The following ANXA5 variants were observed in gnomAD, a reference collection of about 807,000 sequenced individuals.
ANXA5 encodes annexin A5, also known as CBP-I.
ANXA5 carries 40 observed loss-of-function variants against 48.1 expected under a neutral mutation model. That is an observed-to-expected ratio of 0.83 (90% CI 0.65 to 1.08). The LOEUF (loss-of-function observed/expected upper bound fraction) is 1.08, where lower values mean the gene tolerates loss of function less well. Ranked by LOEUF, ANXA5 falls within the 50% of genes least tolerant of loss-of-function variation. The pLI, the probability that ANXA5 is intolerant of heterozygous loss-of-function variation, is 0.00. For synonymous variants in ANXA5, 113 were observed against 129.1 expected (o/e 0.88, Z 0.85); for missense variants, 357 against 376.8 (o/e 0.95, Z 0.44).
At chr4:121,685,073 C>T (rs758817412) in intron 3 of ANXA5, among the ~76,000 whole-genome samples, 45 of 122,892 alleles carry the variant, frequency 3.7e-4, no homozygotes, top group Non-Finnish European at 4.7e-4. Flanking sequence ...TATATATATA[C>T]ACACACACAC....
chr4:121,695,899 C>A (rs1285162242), intron 2 of ANXA5, among the ~76,000 whole-genome samples: 7 of 147,288 alleles, frequency 4.8e-5, no homozygotes, highest in Non-Finnish European at 1.0e-4. Flanking sequence ...GAGACTCCGT[C>A]TCAAAAAAAA....
At position 121,686,370 on chromosome 4, in the gene ANXA5, A is replaced by C; in HGVS notation, c.12T>G (p.Val4=). The C allele has an allele frequency of 1.2e-6, 2 of 1,613,134 alleles. No individual in the cohort carries two copies. Among genetic ancestry groups the C allele is most frequent in the Non-Finnish European group, 1.7e-6 (2 of 1,179,102 alleles). Residue 4 remains valine, a splice_region_variant and synonymous_variant, in exon 3 of 13, where the codon GTT becomes GTG. Coordinates refer to ENST00000296511, the MANE Select transcript of ANXA5 (RefSeq NM_001154.4). Reference sequence around the variant, plus strand: ...GGAAGTCAGTCACAGTGCCTCTGAGAACCTAATTCACGAAACACAGTGGTA... The same window carrying C: ...GGAAGTCAGTCACAGTGCCTCTGAGCACCTAATTCACGAAACACAGTGGTA... The part of the protein sequence containing the change: MAQ[V]LRGTVTDFPG...
chr4:121,669,802 T>G, intron 11 of ANXA5, 78 bp from the exon 12 acceptor site: 1 of 1,533,172 alleles, frequency 6.5e-7, no homozygotes. Flanking sequence ...CGGGTGCGGG[T>G]GAATCAATAA....
chr4:121,694,984 T>C (rs1001350673), intron 2 of ANXA5, among the ~76,000 whole-genome samples: 6 of 152,222 alleles, frequency 3.9e-5, no homozygotes, highest in African/African-American at 1.4e-4. Flanking sequence ...TGTTCGCTTA[T>C]ACTATTTGGG....
At chr4:121,668,659 T>C (rs1724561264) in intron 12 of ANXA5, 132 bp from the exon 13 acceptor site, 3 of 715,694 alleles carry the variant, frequency 4.2e-6, no homozygotes, top group Non-Finnish European at 7.3e-6. Context: ...GACTTTCACA[T>C]CAGGAATGTT....
At chr4:121,683,333 C>A (rs1412216228) in intron 5 of ANXA5, 31 bp downstream of exon 5, 1 of 1,356,988 alleles carries the variant, frequency 7.4e-7, no homozygotes, top group Non-Finnish European at 1.0e-6. Flanking sequence ...ACTATCTATG[C>A]AAGAATGTTC....
At chr4:121,689,753 G>A (rs1724950198) in intron 2 of ANXA5, among the ~76,000 whole-genome samples, 2 of 152,122 alleles carry the variant, frequency 1.3e-5, no homozygotes, top group African/African-American at 2.4e-5. Context: ...AGGCAGGGAA[G>A]AACAATGTCA....
chr4:121,678,026 G>T (rs1006776321), intron 7 of ANXA5, 76 bp from the exon 8 acceptor site: 4 of 1,086,570 alleles, frequency 3.7e-6, no homozygotes, highest in South Asian at 1.3e-5. Context: ...CCACCTGATG[G>T]TTATTCAATA....
intron 2 of ANXA5, among the ~76,000 whole-genome samples, chr4:121,695,705 C>T (rs1725067370): frequency 6.6e-6 from 1 of 152,148 alleles, no homozygotes; most frequent in Middle Eastern, 3.4e-3. Context: ...GAGTTTGAGA[C>T]CAGCCTGGCC....
chr4:121,672,841 T>A (rs1277319615), intron 8 of ANXA5, among the ~76,000 whole-genome samples: 1 of 152,194 alleles, frequency 6.6e-6, no homozygotes, highest in Non-Finnish European at 1.5e-5. Flanking sequence ...AGAAGATTCA[T>A]GGGTCCAAGC....
chr4:121,670,341 T>C (rs1343943473), intron 10 of ANXA5, among the ~76,000 whole-genome samples: 1 of 152,198 alleles, frequency 6.6e-6, no homozygotes, highest in African/African-American at 2.4e-5. Flanking sequence ...ACCACAACAT[T>C]CTTCATCACC....
At position 121,696,623 on chromosome 4, in the gene ANXA5, G is replaced by T; in HGVS notation, c.-34C>A. The T allele has an allele frequency of 7.2e-7, 1 of 1,387,804 alleles. No homozygotes were observed. Among genetic ancestry groups the T allele is most frequent in the South Asian group, 2.0e-5 (1 of 51,244 alleles). The allele number at this position is 1,387,804 out of a possible 1,614,324, so 86.0% of individuals were successfully genotyped here. The stretch of plus-strand genomic sequence containing the variant: ...CTCAGGTCAGGGGAAGGTGAAGCAG[G>T]ACTGCAAAAGAGAAGAAACCTCGGG... On this transcript the variant is annotated splice_region_variant and 5_prime_UTR_variant, in exon 2 of 13. Coordinates refer to ENST00000296511, the MANE Select transcript of ANXA5 (RefSeq NM_001154.4).
At position 121,678,473 on chromosome 4, in the gene ANXA5, T is replaced by C. The variant is rs760151688; in HGVS notation, c.416A>G (p.Asp139Gly). ...YEEEYGSSLEDDVVGDTSGYY... is the reference protein window; with the variant it reads ...YEEEYGSSLEGDVVGDTSGYY... ...CCCTGAAGTGTCCCCCACCACGTCA[T>C]CTTCCAGGCTTGAGCCATATTCTGC... The change falls in exon 7 of 13, where the codon GAT (aspartate) becomes GGT (glycine). Residue 139 changes from aspartate (D) to glycine (G), a missense_variant. Physicochemically the swap from Asp to Gly is moderately conservative, Grantham distance 94. Transcript: ENST00000296511. 4 of 1,613,774 alleles carry C rather than the reference T, an allele frequency of 2.5e-6. No homozygotes were observed. The East Asian group carries it at 6.7e-5, about 27-fold the overall frequency.
At chr4:121,681,356 G>C (rs1361635805) in intron 6 of ANXA5, 1 of 185,740 alleles carries the variant, frequency 5.4e-6, no homozygotes, top group African/African-American at 2.3e-5. Flanking sequence ...TTTAAAGGAG[G>C]AAAAACCATT....
chr4:121,675,011 C>T (rs1724674861), intron 8 of ANXA5, among the ~76,000 whole-genome samples: 1 of 152,122 alleles, frequency 6.6e-6, no homozygotes, highest in African/African-American at 2.4e-5. Context: ...TAAGATAATG[C>T]ACTGAACAGT....
At position 121,696,930 on chromosome 4, in the gene ANXA5, G is replaced by GGGCGA. The variant is rs1305678677; in HGVS notation, c.-108_-104dup. 4.3e-6 allele frequency: 1 copy of GGGCGA among 230,656 alleles called. No homozygotes were observed. The highest frequency in any genetic ancestry group is 2.3e-5 in the African/African-American group (1 of 44,100). The allele number at this position is 230,656 out of a possible 1,614,324, so 14.3% of individuals were successfully genotyped here. On this transcript the variant is annotated 5_prime_UTR_variant, in exon 1 of 13. Coordinates refer to ENST00000296511, the MANE Select transcript of ANXA5 (RefSeq NM_001154.4). ...GCGGAGAGCCGGGCGACGGTACGCGGGGCGACGCCGAGATGCAGACGCTGA... is the reference window on the plus strand; with the variant it reads ...GCGGAGAGCCGGGCGACGGTACGCGGGGCGAGGCGACGCCGAGATGCAGACGCTGA...
intron 12 of ANXA5, chr4:121,669,350 T>C (rs1724573882): frequency 7.3e-6 from 3 of 409,624 alleles, no homozygotes; most frequent in African/African-American, 2.0e-5. Context: ...TGTTGAGTCA[T>C]CTGTTACCAC....
At chr4:121,690,567 C>T (rs1427992082) in intron 2 of ANXA5, among the ~76,000 whole-genome samples, 2 of 151,298 alleles carry the variant, frequency 1.3e-5, no homozygotes, top group African/African-American at 4.9e-5. Context: ...CTTTTAAAAA[C>T]ACAGTTAAGA....
rs765142086 is a variant in ANXA5 at position 121,670,057 on chromosome 4, T to C, written c.722-45A>G. On this transcript the variant is annotated intron_variant, in intron 10 of 12. Transcript: ENST00000296511. ...AATGGTCAAATGCTATTTTGATATG[T>C]AAAGGATTAAGTAATTAAAAATCAA... The C allele has an allele frequency of 2.0e-5, 27 of 1,383,882 alleles. No individual in the cohort carries two copies. The South Asian group carries it at 3.0e-4, about 15-fold the overall frequency. 85.7% of individuals were successfully genotyped at this position (1,383,882 alleles called of 1,614,324 possible). A position where few individuals can be genotyped will look rare whatever the true frequency, so the allele number is the denominator to read the frequency against.
Sources: gnomAD v4.1 joint callset for allele counts (sites outside exome capture counted in the v4.1 genomes callset) on GRCh38, gnomAD v4.1.1 for gene constraint, MANE v1.5 for transcripts, NCBI Gene and HGNC (gene_info 2026-07-23, HGNC 2026-07-21) for gene names.